The following ACVR2B variants were observed in gnomAD, a reference collection of about 807,000 sequenced individuals.
ACVR2B encodes the protein activin receptor type-2B.
A neutral mutation model predicts 65.1 loss-of-function variants in ACVR2B; 18 were observed. The observed-to-expected ratio is 0.28, with a 90% CI of 0.19 to 0.41. ACVR2B has a LOEUF of 0.41. Ranked by LOEUF, ACVR2B falls within the 10% of genes least tolerant of loss-of-function variation. The probability of loss-of-function intolerance (pLI) is 1.00; values close to 1 mark genes in which losing one functional copy is unlikely to be tolerated. For missense variants in ACVR2B, 482 were observed against 682.7 expected, an observed-to-expected ratio of 0.71 and a Z score of 3.28; for synonymous variants, 298 against 277.7, an observed-to-expected ratio of 1.07 and a Z score of -0.73.
chr3:38,479,596 C>G (rs1709980579), intron 6 of ACVR2B, 82 bp from the exon 7 acceptor site: 2 of 1,540,860 alleles, frequency 1.3e-6, no homozygotes, highest in African/African-American at 1.4e-5. Context: ...CATTGGCCCA[C>G]TGAGACTTCT....
chr3:38,462,009 A>G (rs1035129416), intron 1 of ACVR2B, among the ~76,000 whole-genome samples: 1 of 152,064 alleles, frequency 6.6e-6, no homozygotes. Context: ...CCTGACCAAC[A>G]TGGAGAAACC....
At chr3:38,475,287 C>T (rs1460682305) in intron 1 of ACVR2B, 1 of 152,274 alleles carries the variant, frequency 6.6e-6, no homozygotes, top group African/African-American at 2.4e-5. Flanking sequence ...GCTGGGGAAG[C>T]CAGTGTGTAC....
Position 38,454,353 on chromosome 3 carries a change from C to T in ACVR2B, c.31C>T (p.Leu11Phe). 4 of 1,291,148 alleles carry T rather than the reference C, an allele frequency of 3.1e-6. No homozygotes were observed. Among genetic ancestry groups the T allele is most frequent in the Non-Finnish European group, 3.9e-6 (4 of 1,020,414 alleles). The allele number at this position is 1,291,148 out of a possible 1,614,324, so 80.0% of individuals were successfully genotyped here. Residue 11 changes from leucine (L) to phenylalanine (F), a missense_variant, in exon 1 of 11, where the codon CTC (leucine) becomes TTC (phenylalanine). Leu to Phe is a conservative substitution (Grantham distance 22). Around this residue, in one of 5 missense-constraint regions of ACVR2B, gnomAD observed 41 missense variants for 38.2 expected, o/e 1.07. Coordinates refer to ENST00000352511, the MANE Select transcript of ACVR2B (RefSeq NM_001106.4). MTAPWVALAL[L>F]WGSLCAGSGR... is the part of the protein sequence containing the mutation. ...GGCGCCCTGGGTGGCCCTCGCCCTCCTCTGGGGATCGCTGTGCGCCGGTAA... is the reference window on the plus strand; with the variant it reads ...GGCGCCCTGGGTGGCCCTCGCCCTCTTCTGGGGATCGCTGTGCGCCGGTAA...
At chr3:38,456,292 C>A (rs188219243) in intron 1 of ACVR2B, among the ~76,000 whole-genome samples, 2 of 152,324 alleles carry the variant, frequency 1.3e-5, no homozygotes, top group African/African-American at 4.8e-5. Flanking sequence ...CAGTTTGGAG[C>A]AGACCTGACC....
chr3:38,481,496 G>T lies in ACVR2B; in HGVS notation c.1074+31G>T. The T allele has an allele frequency of 6.3e-7, 1 of 1,579,284 alleles. No homozygotes were observed. Among genetic ancestry groups the T allele is most frequent in the Non-Finnish European group, 8.7e-7 (1 of 1,148,456 alleles). On this transcript the variant is annotated intron_variant, in intron 8 of 10. Transcript: ENST00000352511. This position sits in a 1 kb window ranked among gnomAD's most constrained non-coding sequence, Gnocchi z 4.7. ...AGGCCTCACAGGGCAGGAAGAGAGG[G>T]ACAGACCCAGGGTAGATACTTTGCC...
intron 1 of ACVR2B, among the ~76,000 whole-genome samples, chr3:38,459,895 C>T (rs982466061): frequency 6.6e-6 from 1 of 152,124 alleles, no homozygotes; most frequent in African/African-American, 2.4e-5. Context: ...TGGCTGCCCC[C>T]ATGTTTATTT....
rs886058421 is a variant in ACVR2B at position 38,490,756 on chromosome 3, A to G, written c.*7424A>G. The G allele has an allele frequency of 1.3e-5, 2 of 152,614 alleles. No homozygotes were observed. Among genetic ancestry groups the G allele is most frequent in the African/African-American group, 2.4e-5 (1 of 41,424 alleles). The allele number at this position is 152,614 out of a possible 1,614,324, so 9.5% of individuals were successfully genotyped here. On this transcript the variant is annotated 3_prime_UTR_variant, in exon 11 of 11. Transcript: ENST00000352511. ...TTGATACTGCAGACTTTTAACGTAC[A>G]CATGCAGGAACCCTGCTGAGCGTGG... is the stretch of plus-strand genomic sequence containing the variant.
In ACVR2B at chr3:38,484,945, C is replaced by T. The variant is rs539790661; in HGVS notation, c.*1613C>T. On this transcript the variant is annotated 3_prime_UTR_variant, in exon 11 of 11. Transcript: ENST00000352511. Reference sequence around the variant, plus strand: ...AGTTTGCATCTTCTAGGGAGTGCTACCATTTTTGTTTGATAACGCCCCCTT... The same window carrying T: ...AGTTTGCATCTTCTAGGGAGTGCTATCATTTTTGTTTGATAACGCCCCCTT... The T allele has an allele frequency of 4.2e-3, 634 of 152,700 alleles. 2 individuals carry two copies. Among genetic ancestry groups the T allele is most frequent in the Middle Eastern group, 0.01 (3 of 294 alleles). 9.5% of individuals were successfully genotyped at this position (152,700 alleles called of 1,614,324 possible).
At position 38,492,801 on chromosome 3, in the gene ACVR2B, CACATACA is replaced by C. The variant is rs1559663010; in HGVS notation, c.*9470_*9476del. ...ACACACACACACACACACACACACACACATACACCTAAAATGGCCTAAAGCAGACATC... is the reference window on the plus strand; with the variant it reads ...ACACACACACACACACACACACACACCCTAAAATGGCCTAAAGCAGACATC... On this transcript the variant is annotated 3_prime_UTR_variant, in exon 11 of 11. Transcript: ENST00000352511. 10 of 70,612 alleles carry C rather than the reference CACATACA, an allele frequency of 1.4e-4. 1 individual carries two copies. The highest frequency in any genetic ancestry group is 3.7e-4 in the Admixed American group (2 of 5,420). 4.4% of individuals were successfully genotyped at this position (70,612 alleles called of 1,614,324 possible). A position where few individuals can be genotyped will look rare whatever the true frequency, so the allele number is the denominator to read the frequency against.
intron 1 of ACVR2B, among the ~76,000 whole-genome samples, chr3:38,456,328 GC>G (rs1336165046): frequency 6.6e-6 from 1 of 152,328 alleles, no homozygotes; most frequent in East Asian, 1.9e-4. Flanking sequence ...CTTCAGGGAT[GC>G]CCTTTAATTT....
chr3:38,466,152 T>C (rs936711091), intron 1 of ACVR2B, among the ~76,000 whole-genome samples: 8 of 152,310 alleles, frequency 5.3e-5, no homozygotes, highest in African/African-American at 4.8e-5. Flanking sequence ...ATATGTGGAA[T>C]CTAAAAAGGT....
chr3:38,476,972 G>T (rs1709920934), intron 1 of ACVR2B: 5 of 481,210 alleles, frequency 1.0e-5, no homozygotes, highest in Admixed American at 3.3e-5. Context: ...TGTGCATCTG[G>T]ACTCTGTCTG....
In ACVR2B at chr3:38,477,276, C is replaced by G; in HGVS notation, c.53-11C>G. On this transcript the variant is annotated splice_polypyrimidine_tract_variant and intron_variant, in intron 1 of 10. Transcript: ENST00000352511. The surrounding 1 kb of genome is among the most constrained non-coding windows in gnomAD (Gnocchi z 6.7). ...GGCATGCTCAGTGGTTCTCTTTTCT[C>G]TGGGGCACAGGCTCTGGGCGTGGGG... 6.2e-7 allele frequency: 1 copy of G among 1,613,922 alleles called. No individual in the cohort carries two copies. Among genetic ancestry groups the G allele is most frequent in the Non-Finnish European group, 8.5e-7 (1 of 1,179,900 alleles).
chr3:38,465,578 T>C (rs919725168), intron 1 of ACVR2B, among the ~76,000 whole-genome samples: 2 of 152,096 alleles, frequency 1.3e-5, no homozygotes, highest in African/African-American at 4.8e-5. Flanking sequence ...TGAAACTGTA[T>C]AGAGCATTAG....
rs769479767 is a variant in ACVR2B, at chr3:38,477,528, C to T, written c.260+34C>T. ...AGACTTGCCCTCCTTTCCTCTTGGA[C>T]CCACCTGCGCTTATACTGCCCACTG... On this transcript the variant is annotated intron_variant, in intron 2 of 10. Transcript: ENST00000352511. The surrounding 1 kb of genome is among the most constrained non-coding windows in gnomAD (Gnocchi z 6.7). 1.2e-6 allele frequency: 2 copies of T among 1,602,996 alleles called. No homozygotes were observed. Among genetic ancestry groups the T allele is most frequent in the Non-Finnish European group, 1.7e-6 (2 of 1,174,410 alleles).
At chr3:38,482,167 G>A (rs1710027636) in intron 8 of ACVR2B, 31 bp from the exon 9 acceptor site, 1 of 1,613,720 alleles carries the variant, frequency 6.2e-7, no homozygotes, top group Non-Finnish European at 8.5e-7. Flanking sequence ...GCCAGTCACT[G>A]TAAATCCTGC....
chr3:38,473,211 A>G (rs1371922382), intron 1 of ACVR2B, among the ~76,000 whole-genome samples: 1 of 152,052 alleles, frequency 6.6e-6, no homozygotes, highest in Non-Finnish European at 1.5e-5. Flanking sequence ...GGAGGCCAGC[A>G]GTTGGTTTGG....
Position 38,482,427 on chromosome 3 carries a change from T to C in ACVR2B, c.1214-3T>C, listed in dbSNP as rs763888963. 3.1e-6 allele frequency: 5 copies of C among 1,612,044 alleles called. No individual in the cohort carries two copies. Among genetic ancestry groups the C allele is most frequent in the South Asian group, 2.2e-5 (2 of 90,830 alleles). ...ATCCTGCCAGGCTCTCTCTTTCTCC[T>C]AGGACCCGTGGATGAGTACATGCTG... On this transcript the variant is annotated splice_polypyrimidine_tract_variant and splice_region_variant and intron_variant, in intron 9 of 10. Transcript: ENST00000352511.
At chr3:38,454,506 CG>C (rs1440406538) in intron 1 of ACVR2B, 132 bp downstream of exon 1, 2 of 836,916 alleles carry the variant, frequency 2.4e-6, no homozygotes, top group Admixed American at 4.7e-5. Context: ...CCCTCACCTC[CG>C]GGGGCGTGGG....
Sources: allele counts gnomAD v4.1 joint callset (sites outside exome capture counted in the v4.1 genomes callset), GRCh38; gene constraint gnomAD v4.1.1; regional missense constraint gnomAD v4.1.1; non-coding constraint Gnocchi (gnomAD v3.1); transcripts MANE v1.5; gene names NCBI Gene and HGNC (gene_info 2026-07-23, HGNC 2026-07-21).